Variants in SGCZ observed in about 807,000 individuals in gnomAD.
The protein encoded by SGCZ is zeta-sarcoglycan.
Under a neutral mutation model 41.3 loss-of-function variants are expected in SGCZ, and 40 were observed. The ratio of observed to expected loss-of-function variants is 0.97; its 90% confidence interval spans 0.75 to 1.26. The LOEUF (loss-of-function observed/expected upper bound fraction) is 1.26. SGCZ is among the 50% of genes most tolerant of loss of function. The probability of loss-of-function intolerance (pLI) is 0.00; values close to 1 mark genes in which losing one functional copy is unlikely to be tolerated. For synonymous variants in SGCZ, 206 were observed against 137.5 expected (o/e 1.50, Z -3.49); for missense variants, 552 against 369.8 (o/e 1.49, Z -4.04).
At chr8:14,718,695 C>T (rs180689477) in intron 1 of SGCZ, among the ~76,000 whole-genome samples, 3 of 151,852 alleles carry the variant, frequency 2.0e-5, no homozygotes, top group Admixed American at 6.6e-5. Flanking sequence ...ATTCAAATGA[C>T]AGTGTTGATG....
intron 1 of SGCZ, among the ~76,000 whole-genome samples, chr8:14,996,827 G>A (rs761253312): frequency 6.6e-6 from 1 of 152,164 alleles, no homozygotes; most frequent in Non-Finnish European, 1.5e-5. Context: ...GTATTTGATA[G>A]TTATTCACCA....
At chr8:14,885,762 G>A (rs1382456941) in intron 1 of SGCZ, among the ~76,000 whole-genome samples, 2 of 151,722 alleles carry the variant, frequency 1.3e-5, no homozygotes, top group Non-Finnish European at 2.9e-5. Context: ...GTTTTAATCA[G>A]TCTTTTAAAA....
At chr8:14,536,573 C>A (rs894901006) in intron 2 of SGCZ, among the ~76,000 whole-genome samples, 5 of 151,552 alleles carry the variant, frequency 3.3e-5, no homozygotes, top group African/African-American at 9.7e-5. Flanking sequence ...AGAGGAATTT[C>A]TATAATTTAA....
chr8:14,441,663 T>C (rs1409888855), intron 2 of SGCZ, among the ~76,000 whole-genome samples: 1 of 152,230 alleles, frequency 6.6e-6, no homozygotes, highest in Non-Finnish European at 1.5e-5. Flanking sequence ...GATTCATATC[T>C]CAAGGGTTTG....
chr8:14,092,087 T>C (rs1801705019), intron 7 of SGCZ, among the ~76,000 whole-genome samples: 1 of 152,130 alleles, frequency 6.6e-6, no homozygotes, highest in Non-Finnish European at 1.5e-5. Flanking sequence ...CCTTTCCCCA[T>C]TGCTTGTTTT....
chr8:15,103,393 C>T (rs1161535010), intron 1 of SGCZ, among the ~76,000 whole-genome samples: 1 of 101,872 alleles, frequency 9.8e-6, no homozygotes, highest in Non-Finnish European at 1.9e-5. Context: ...CAAGTGAGAC[C>T]CTGTCTCTAA....
At chr8:15,099,793 C>T (rs546014671) in intron 1 of SGCZ, among the ~76,000 whole-genome samples, 2 of 151,932 alleles carry the variant, frequency 1.3e-5, no homozygotes, top group African/African-American at 2.4e-5. Context: ...AAGACTGGTT[C>T]AACATTGAAA....
At position 15,066,693 on chromosome 8, in the gene SGCZ, T is replaced by C. The variant is rs138905265; in HGVS notation, c.39+170892A>G. Among the ~76,000 whole-genome samples, 14 of 152,352 alleles carry C rather than the reference T, an allele frequency of 9.2e-5. No homozygotes were observed. In the East Asian group the frequency reaches 2.3e-3, roughly 25 times the overall value. On this transcript the variant is annotated intron_variant, in intron 1 of 7. Coordinates refer to ENST00000382080, the MANE Select transcript of SGCZ (RefSeq NM_139167.4). ...TTTTACATTGACTATATCGCTTTTT[T>C]CTTTCCTTCTTTTGAGAATGTGCAT... is the stretch of plus-strand genomic sequence containing the variant.
intron 4 of SGCZ, among the ~76,000 whole-genome samples, chr8:14,214,645 TAAC>T (rs1229585011): frequency 6.6e-6 from 1 of 152,018 alleles, no homozygotes; most frequent in Non-Finnish European, 1.5e-5. Context: ...ATTTCAAACA[TAAC>T]AATATAGGTA....
At chr8:15,218,318 C>T (rs1215803389) in intron 1 of SGCZ, among the ~76,000 whole-genome samples, 4 of 151,890 alleles carry the variant, frequency 2.6e-5, no homozygotes, top group Non-Finnish European at 5.9e-5. Flanking sequence ...AATCAAATAC[C>T]CAGAACCTGA....
In SGCZ at chr8:14,781,571, A is replaced by T. The variant is rs1324055840; in HGVS notation, c.40-226645T>A. Among the ~76,000 whole-genome samples the T allele has an allele frequency of 2.0e-5, 3 of 152,268 alleles. No homozygotes were observed. In the East Asian group the frequency reaches 5.8e-4, roughly 29 times the overall value. ...TTCATCCTTTCAAAACTTATTACCAATGAATACCTATTATTAAAAATTGTT... is the reference window on the plus strand; with the variant it reads ...TTCATCCTTTCAAAACTTATTACCATTGAATACCTATTATTAAAAATTGTT... On this transcript the variant is annotated intron_variant, in intron 1 of 7. Transcript: ENST00000382080.
chr8:15,115,157 C>G (rs1410683317), intron 1 of SGCZ, among the ~76,000 whole-genome samples: 1 of 152,182 alleles, frequency 6.6e-6, no homozygotes, highest in Non-Finnish European at 1.5e-5. Context: ...TGCAGTGATT[C>G]AGAGACCCAG....
chr8:14,416,284 T>C (rs1224444038), intron 2 of SGCZ, among the ~76,000 whole-genome samples: 1 of 151,922 alleles, frequency 6.6e-6, no homozygotes, highest in African/African-American at 2.4e-5. Flanking sequence ...TACAGATGAA[T>C]GTAATAAGAC....
At chr8:14,576,246 A>C (rs183944454) in intron 1 of SGCZ, among the ~76,000 whole-genome samples, 5 of 152,290 alleles carry the variant, frequency 3.3e-5, no homozygotes, top group Non-Finnish European at 7.4e-5. Context: ...ACATACAGAC[A>C]ATGTAAAGTG....
At chr8:14,364,375 T>C (rs1356223619) in intron 2 of SGCZ, among the ~76,000 whole-genome samples, 1 of 152,148 alleles carries the variant, frequency 6.6e-6, no homozygotes, top group Non-Finnish European at 1.5e-5. Flanking sequence ...TCCACATACA[T>C]ATAGGAATTA....
chr8:14,773,938 T>C (rs1459110448), intron 1 of SGCZ, among the ~76,000 whole-genome samples: 2 of 152,216 alleles, frequency 1.3e-5, no homozygotes, highest in East Asian at 3.8e-4. Context: ...ATTTTTTATC[T>C]GGTCATAGAA....
At chr8:14,649,576 C>T (rs902288900) in intron 1 of SGCZ, among the ~76,000 whole-genome samples, 2 of 151,612 alleles carry the variant, frequency 1.3e-5, no homozygotes, top group African/African-American at 4.9e-5. Flanking sequence ...TTTGGACTGT[C>T]TACCTTCAGA....
At chr8:15,122,901 A>G (rs2116954888) in intron 1 of SGCZ, among the ~76,000 whole-genome samples, 1 of 152,228 alleles carries the variant, frequency 6.6e-6, no homozygotes, top group East Asian at 1.9e-4. Context: ...TTAATGTTAC[A>G]CCATAGAAAA....
chr8:15,104,598 T>C (rs1806746975), intron 1 of SGCZ, among the ~76,000 whole-genome samples: 1 of 152,244 alleles, frequency 6.6e-6, no homozygotes, highest in South Asian at 2.1e-4. Flanking sequence ...TCCAAAAATG[T>C]TTATACACAT....
Sources: gnomAD v4.1 joint callset for allele counts (sites outside exome capture counted in the v4.1 genomes callset) on GRCh38, gnomAD v4.1.1 for gene constraint, MANE v1.5 for transcripts, NCBI Gene and HGNC (gene_info 2026-07-23, HGNC 2026-07-21) for gene names.